Variants in ZFPM2 observed in about 807,000 individuals in gnomAD.
ZFPM2 encodes the protein zinc finger protein ZFPM2.
ZFPM2 carries 20 observed loss-of-function variants against 98.6 expected under a neutral mutation model. The ratio of observed to expected loss-of-function variants is 0.20; its 90% CI spans 0.14 to 0.29. ZFPM2 has a LOEUF of 0.29. Among genes scored for constraint, ZFPM2 ranks in the 10% least tolerant of loss-of-function variants. ZFPM2 has a pLI of 1.00. For missense variants in ZFPM2, 1,310 were observed against 1,388.6 expected, an observed-to-expected ratio of 0.94 and a Z score of 0.90; for synonymous variants, 518 against 502.7, an observed-to-expected ratio of 1.03 and a Z score of -0.41.
chr8:105,709,043 C>A (rs1811323318), intron 5 of ZFPM2, among the ~76,000 whole-genome samples: 1 of 152,092 alleles, frequency 6.6e-6, no homozygotes. Flanking sequence ...ATGGTGCTGA[C>A]CAAATAACTA....
chr8:105,675,368 GA>G (rs1241134252), intron 5 of ZFPM2, among the ~76,000 whole-genome samples: 1 of 152,162 alleles, frequency 6.6e-6, no homozygotes, highest in Non-Finnish European at 1.5e-5. Flanking sequence ...TAAATGTGGG[GA>G]AAGGGAAAGT....
chr8:105,738,238 T>C (rs1812128982), intron 5 of ZFPM2, among the ~76,000 whole-genome samples: 1 of 152,080 alleles, frequency 6.6e-6, no homozygotes, highest in Admixed American at 6.6e-5. Context: ...GTTCTCATCA[T>C]TTTGCTCCTA....
intron 5 of ZFPM2, among the ~76,000 whole-genome samples, chr8:105,708,136 C>G (rs1211085194): frequency 1.3e-5 from 2 of 152,110 alleles, no homozygotes; most frequent in Non-Finnish European, 2.9e-5. Context: ...GTATGATCCA[C>G]TAGAACTAAA....
At chr8:105,687,587 G>A (rs1208665694) in intron 5 of ZFPM2, among the ~76,000 whole-genome samples, 2 of 152,106 alleles carry the variant, frequency 1.3e-5, no homozygotes, top group Admixed American at 6.5e-5. Context: ...GTCTTTCACA[G>A]TACAATTATG....
At chr8:105,690,936 G>A (rs948104505) in intron 5 of ZFPM2, 1 of 152,096 alleles carries the variant, frequency 6.6e-6, no homozygotes, top group African/African-American at 2.4e-5. Context: ...CATGCAGAAG[G>A]TAAGAACAGT....
At position 105,472,487 on chromosome 8, in the gene ZFPM2, C is replaced by T. The variant is rs1464559323; in HGVS notation, c.301+28106C>T. On this transcript the variant is annotated intron_variant, in intron 3 of 7. Coordinates refer to ENST00000407775, the MANE Select transcript of ZFPM2 (RefSeq NM_012082.4). ...ACTGACCTCTGACTTCTGAACACTC[C>T]TTGTGTTTTGTTTTGTTTTGTTTTG... is the stretch of plus-strand genomic sequence containing the variant. 2.6e-5 allele frequency among the ~76,000 whole-genome samples: 4 copies of T among 152,106 alleles called. No homozygotes were observed. In the East Asian group the frequency reaches 7.7e-4, roughly 29 times the overall value.
At chr8:105,729,888 A>G (rs1811892491) in intron 5 of ZFPM2, among the ~76,000 whole-genome samples, 1 of 151,108 alleles carries the variant, frequency 6.6e-6, no homozygotes, top group Admixed American at 6.6e-5. Context: ...TATATATAGT[A>G]CTTCCATGCA....
chr8:105,623,287 T>G (rs1816591030), intron 4 of ZFPM2, among the ~76,000 whole-genome samples: 1 of 152,162 alleles, frequency 6.6e-6, no homozygotes, highest in African/African-American at 2.4e-5. Flanking sequence ...TTCACACACT[T>G]TTTCCCTTTG....
chr8:105,456,944 C>T (rs757118432), intron 3 of ZFPM2, among the ~76,000 whole-genome samples: 4 of 152,166 alleles, frequency 2.6e-5, no homozygotes, highest in Admixed American at 6.6e-5. Flanking sequence ...TGAGCCACTG[C>T]GCCTGGCCGT....
At chr8:105,479,890 A>G (rs1200710645) in intron 3 of ZFPM2, among the ~76,000 whole-genome samples, 1 of 151,802 alleles carries the variant, frequency 6.6e-6, no homozygotes, top group Non-Finnish European at 1.5e-5. Context: ...AATTCGACCA[A>G]TTTTTCTATG....
At chr8:105,755,314 C>A (rs1812573514) in intron 5 of ZFPM2, among the ~76,000 whole-genome samples, 1 of 152,044 alleles carries the variant, frequency 6.6e-6, no homozygotes, top group African/African-American at 2.4e-5. Flanking sequence ...TCAGAAATGC[C>A]ATTTTCAGAA....
At chr8:105,467,850 T>G (rs941689326) in intron 3 of ZFPM2, among the ~76,000 whole-genome samples, 1 of 151,986 alleles carries the variant, frequency 6.6e-6, no homozygotes, top group Non-Finnish European at 1.5e-5. Flanking sequence ...TGGCCATAAT[T>G]AAAATCTGTA....
chr8:105,725,784 A>G (rs1811795613), intron 5 of ZFPM2, among the ~76,000 whole-genome samples: 1 of 151,660 alleles, frequency 6.6e-6, no homozygotes, highest in African/African-American at 2.4e-5. Flanking sequence ...CTAAGTTATT[A>G]TCTCCAAAAA....
intron 5 of ZFPM2, among the ~76,000 whole-genome samples, chr8:105,743,930 G>A (rs774455787): frequency 7.2e-5 from 11 of 151,954 alleles, no homozygotes; most frequent in Non-Finnish European, 1.5e-4. Context: ...TTTCTGCAGG[G>A]TAGCTATGAA....
intron 1 of ZFPM2, among the ~76,000 whole-genome samples, chr8:105,321,488 A>G (rs1397245293): frequency 6.6e-6 from 1 of 152,340 alleles, no homozygotes; most frequent in East Asian, 1.9e-4. Flanking sequence ...AAGCTTTGGC[A>G]CTGCTGATAA....
chr8:105,426,840 C>A (rs941761106), intron 2 of ZFPM2, among the ~76,000 whole-genome samples: 3 of 151,916 alleles, frequency 2.0e-5, no homozygotes, highest in Non-Finnish European at 4.4e-5. Flanking sequence ...GCCTGTAGTC[C>A]CAGCTACTCT....
intron 4 of ZFPM2, among the ~76,000 whole-genome samples, chr8:105,603,955 G>T (rs4791861): frequency 0.2 from 29,745 of 151,730 alleles, 2,959 homozygotes; most frequent in South Asian, 0.25. Context: ...CAGGACTCCG[G>T]TCTATTCTTT....
At chr8:105,636,721 C>T (rs1816854446) in intron 5 of ZFPM2, among the ~76,000 whole-genome samples, 1 of 152,104 alleles carries the variant, frequency 6.6e-6, no homozygotes, top group African/African-American at 2.4e-5. Context: ...GGTTGCCAGA[C>T]ACTGAAATAG....
chr8:105,643,186 C>A (rs888127790), intron 5 of ZFPM2, among the ~76,000 whole-genome samples: 1 of 152,146 alleles, frequency 6.6e-6, no homozygotes, highest in African/African-American at 2.4e-5. Context: ...ACTTACGTGT[C>A]ATGAAAATAA....
Sources: allele counts gnomAD v4.1 joint callset (sites outside exome capture counted in the v4.1 genomes callset), GRCh38; gene constraint gnomAD v4.1.1; transcripts MANE v1.5; gene names NCBI Gene and HGNC (gene_info 2026-07-23, HGNC 2026-07-21).